Variants in PPARG observed in about 807,000 individuals in gnomAD.
PPARG encodes the protein peroxisome proliferator activated receptor gamma.
PPARG carries 17 observed loss-of-function variants against 39.2 expected under a neutral mutation model. The observed-to-expected ratio is 0.43, with a 90% confidence interval of 0.30 to 0.65. The LOEUF (loss-of-function observed/expected upper bound fraction) is 0.65. Among genes scored for constraint, PPARG ranks in the 30% least tolerant of loss-of-function variants. PPARG has a pLI of 0.13. For synonymous variants in PPARG, 223 were observed against 215.7 expected, an observed-to-expected ratio of 1.03 and a Z score of -0.30; for missense variants, 406 against 585.9, an observed-to-expected ratio of 0.69 and a Z score of 3.17.
chr3:12,433,445 G>A (rs999271940), intron 7 of PPARG, among the ~76,000 whole-genome samples: 3 of 151,898 alleles, frequency 2.0e-5, no homozygotes, highest in African/African-American at 7.3e-5. Flanking sequence ...GGCTGAGGCA[G>A]GAGAATAGCT....
intron 5 of PPARG, among the ~76,000 whole-genome samples, chr3:12,394,135 T>C (rs78023966): frequency 6.6e-6 from 1 of 152,226 alleles, no homozygotes. Flanking sequence ...TTTTAGGTGA[T>C]GCAATCAAGT....
At position 12,351,622 on chromosome 3, in the gene PPARG, T is replaced by C. The variant is rs761891193; in HGVS notation, c.-8-28082T>C. 5 of 1,611,376 alleles carry C rather than the reference T, an allele frequency of 3.1e-6. No individual in the cohort carries two copies. The South Asian group carries it at 4.4e-5, about 14-fold the overall frequency. ...GTGAAACTCTGGGAGATTCTCCTAT[T>C]GACCCAGAAAGCGATTCCTTCACTG... On this transcript the variant is annotated intron_variant, in intron 2 of 7. Coordinates refer to ENST00000651735, the MANE Select transcript of PPARG (RefSeq NM_138711.6).
chr3:12,424,520 TG>T (rs1488825602), intron 7 of PPARG, among the ~76,000 whole-genome samples: 1 of 152,208 alleles, frequency 6.6e-6, no homozygotes, highest in Non-Finnish European at 1.5e-5. Flanking sequence ...TTTATCATTT[TG>T]GGCTCTCACA....
At chr3:12,404,278 C>A (rs2050577859) in intron 5 of PPARG, among the ~76,000 whole-genome samples, 1 of 152,184 alleles carries the variant, frequency 6.6e-6, no homozygotes, top group Non-Finnish European at 1.5e-5. Flanking sequence ...CCCTCTAACA[C>A]CCAAGTCTGG....
chr3:12,317,342 A>T (rs1489922507), intron 2 of PPARG, among the ~76,000 whole-genome samples: 1 of 152,198 alleles, frequency 6.6e-6, no homozygotes, highest in Non-Finnish European at 1.5e-5. Context: ...TGATTTTTTA[A>T]AATAAAAAGA....
chr3:12,404,931 T>A (rs572310468), intron 5 of PPARG, among the ~76,000 whole-genome samples: 1 of 152,320 alleles, frequency 6.6e-6, no homozygotes, highest in East Asian at 1.9e-4. Context: ...GTGAAGCCGA[T>A]CACCATAAAA....
intron 1 of PPARG, among the ~76,000 whole-genome samples, chr3:12,298,696 G>A (rs2046855559): frequency 6.6e-6 from 1 of 152,158 alleles, no homozygotes; most frequent in African/African-American, 2.4e-5. Context: ...CATCCTTAAT[G>A]ATAAGCCAAG....
At chr3:12,362,574 G>C (rs1050429586) in intron 2 of PPARG, among the ~76,000 whole-genome samples, 5 of 149,064 alleles carry the variant, frequency 3.4e-5, no homozygotes, top group Admixed American at 1.3e-4. Context: ...TAAATAAAAC[G>C]AACAACAACA....
At position 12,433,757 on chromosome 3, in the gene PPARG, C is replaced by T. The variant is rs574633931; in HGVS notation, c.1181-141C>T. On this transcript the variant is annotated intron_variant, in intron 7 of 7. Coordinates refer to ENST00000651735, the MANE Select transcript of PPARG (RefSeq NM_138711.6). ...TACCCATTATCTGCTTACCCTTCCTCCCCACCTATTTAAGATACAAAGCAA... is the reference window on the plus strand; with the variant it reads ...TACCCATTATCTGCTTACCCTTCCTTCCCACCTATTTAAGATACAAAGCAA... 23 of 1,181,126 alleles carry T rather than the reference C, an allele frequency of 1.9e-5. No individual in the cohort carries two copies. The African/African-American group carries it at 2.7e-4, about 14-fold the overall frequency. 73.2% of individuals were successfully genotyped at this position (1,181,126 alleles called of 1,614,324 possible).
At chr3:12,424,790 AT>A (rs1014061036) in intron 7 of PPARG, among the ~76,000 whole-genome samples, 5 of 152,044 alleles carry the variant, frequency 3.3e-5, no homozygotes, top group Non-Finnish European at 7.4e-5. Flanking sequence ...GGAGTTCCAA[AT>A]CCCCACTCTC....
intron 2 of PPARG, among the ~76,000 whole-genome samples, chr3:12,358,414 A>G: frequency 6.6e-6 from 1 of 152,196 alleles, no homozygotes; most frequent in East Asian, 1.9e-4. Context: ...TTTAAAATGG[A>G]AGTTAATACA....
At chr3:12,364,399 G>T (rs2048949072) in intron 2 of PPARG, among the ~76,000 whole-genome samples, 3 of 152,086 alleles carry the variant, frequency 2.0e-5, no homozygotes, top group Non-Finnish European at 4.4e-5. Context: ...TCATTTCTTT[G>T]CAGAACTGAG....
intron 1 of PPARG, among the ~76,000 whole-genome samples, chr3:12,308,444 T>A (rs1048342394): frequency 6.6e-6 from 1 of 151,604 alleles, no homozygotes; most frequent in African/African-American, 2.4e-5. Context: ...TATCAAATGC[T>A]GCAGAGGCAG....
intron 7 of PPARG, among the ~76,000 whole-genome samples, chr3:12,418,326 T>G (rs2051145586): frequency 6.6e-6 from 1 of 152,206 alleles, no homozygotes; most frequent in Admixed American, 6.5e-5. Flanking sequence ...TTCATCTCTC[T>G]GTATAAAAAT....
At chr3:12,427,246 C>T (rs1264914118) in intron 7 of PPARG, among the ~76,000 whole-genome samples, 2 of 43,532 alleles carry the variant, frequency 4.6e-5, no homozygotes, top group African/African-American at 1.3e-4. Flanking sequence ...TTCCCAGCAT[C>T]ATTTCTTCAA....
At chr3:12,334,403 A>G (rs1575009128) in intron 2 of PPARG, among the ~76,000 whole-genome samples, 1 of 151,444 alleles carries the variant, frequency 6.6e-6, no homozygotes, top group Non-Finnish European at 1.5e-5. Flanking sequence ...ACCAATTTTT[A>G]TATTTTTAGT....
At chr3:12,424,223 A>G (rs1311687535) in intron 7 of PPARG, among the ~76,000 whole-genome samples, 1 of 152,228 alleles carries the variant, frequency 6.6e-6, no homozygotes, top group African/African-American at 2.4e-5. Flanking sequence ...AATGATGGGG[A>G]GGAGATGAAA....
intron 2 of PPARG, among the ~76,000 whole-genome samples, chr3:12,322,987 A>G (rs2047589256): frequency 1.3e-5 from 2 of 151,378 alleles, no homozygotes; most frequent in Admixed American, 6.6e-5. Context: ...TTTTTTTTTA[A>G]TAGAGGTGGA....
intron 6 of PPARG, among the ~76,000 whole-genome samples, chr3:12,415,364 AC>A (rs2051023503): frequency 6.6e-6 from 1 of 152,234 alleles, no homozygotes; most frequent in Non-Finnish European, 1.5e-5. Context: ...CAAAGCTGGA[AC>A]ACACATACCC....
Sources: allele counts gnomAD v4.1 joint callset (sites outside exome capture counted in the v4.1 genomes callset), GRCh38; gene constraint gnomAD v4.1.1; transcripts MANE v1.5; gene names NCBI Gene and HGNC (gene_info 2026-07-23, HGNC 2026-07-21).